THSD4: variants seen among roughly 807,000 people sequenced by gnomAD.
THSD4 encodes thrombospondin type 1 domain containing 4.
A neutral mutation model predicts 119.0 loss-of-function variants in THSD4; 69 were observed. The ratio of observed to expected loss-of-function variants is 0.58; its 90% confidence interval spans 0.48 to 0.71. THSD4 has a LOEUF of 0.71. THSD4 is among the 30% of genes least tolerant of loss of function. The probability of loss-of-function intolerance (pLI) is 0.00; values close to 1 mark genes in which losing one functional copy is unlikely to be tolerated. For synonymous variants in THSD4, 524 were observed against 540.4 expected (o/e 0.97, Z 0.42); for missense variants, 1,393 against 1,391.1 (o/e 1.00, Z -0.02).
chr15:71,217,966 T>C lies in THSD4; in HGVS notation c.464+2567T>C, dbSNP rs113313472. Among the ~76,000 whole-genome samples, 272 of 152,038 alleles carry C rather than the reference T, an allele frequency of 1.8e-3. 1 individual carries two copies. Among genetic ancestry groups the C allele is most frequent in the African/African-American group, 6.4e-3 (264 of 41,476 alleles). On this transcript the variant is annotated intron_variant, in intron 4 of 17. Coordinates refer to ENST00000261862, the MANE Select transcript of THSD4 (RefSeq NM_024817.3). ...CACGCCTAGCTAATTTTTGTATTTT[T>C]AGTGGAGATGAGGTTTCACCTTGTT...
intron 7 of THSD4, among the ~76,000 whole-genome samples, chr15:71,571,210 CTT>C (rs72237850): frequency 1.8e-4 from 27 of 148,124 alleles, no homozygotes; most frequent in Admixed American, 4.7e-4. Context: ...GAAGAACTCA[CTT>C]TTTTTTTTTT....
intron 6 of THSD4, among the ~76,000 whole-genome samples, chr15:71,403,380 C>T (rs1233121993): frequency 6.6e-6 from 1 of 152,158 alleles, no homozygotes; most frequent in Non-Finnish European, 1.5e-5. Context: ...TAAGGCATTA[C>T]TCAATTATTG....
At chr15:71,312,560 A>C (rs2045126348) in intron 6 of THSD4, among the ~76,000 whole-genome samples, 1 of 151,998 alleles carries the variant, frequency 6.6e-6, no homozygotes, top group African/African-American at 2.4e-5. Flanking sequence ...TGAGAAAATA[A>C]ATTTCTATTA....
At chr15:71,224,305 C>G (rs966967452) in intron 4 of THSD4, among the ~76,000 whole-genome samples, 2 of 152,144 alleles carry the variant, frequency 1.3e-5, no homozygotes, top group Non-Finnish European at 2.9e-5. Context: ...TTAAAGCAGT[C>G]CTAAGGGGAC....
chr15:71,314,570 G>A (rs1170614287), intron 6 of THSD4, among the ~76,000 whole-genome samples: 1 of 152,192 alleles, frequency 6.6e-6, no homozygotes, highest in Non-Finnish European at 1.5e-5. Flanking sequence ...GCCTCCCAAA[G>A]GGCTGGGATT....
chr15:71,097,565 C>G (rs1417708878), intron 1 of THSD4, among the ~76,000 whole-genome samples: 2 of 129,338 alleles, frequency 1.5e-5, no homozygotes, highest in Admixed American at 1.5e-4. Context: ...GACTCTGTCT[C>G]GAAAAAAAAA....
intron 1 of THSD4, among the ~76,000 whole-genome samples, chr15:71,124,367 T>G (rs555527871): frequency 1.3e-5 from 2 of 152,344 alleles, no homozygotes; most frequent in South Asian, 4.1e-4. Context: ...ATTCAATCAT[T>G]TGAAAATGTG....
At chr15:71,461,792 G>GTTT (rs61134274) in intron 7 of THSD4, among the ~76,000 whole-genome samples, 1 of 144,388 alleles carries the variant, frequency 6.9e-6, no homozygotes, top group Non-Finnish European at 1.5e-5. Context: ...GCACTGTCAG[G>GTTT]TTTTTTTTTT....
At chr15:71,326,096 G>A (rs529533089) in intron 6 of THSD4, among the ~76,000 whole-genome samples, 9 of 152,278 alleles carry the variant, frequency 5.9e-5, no homozygotes, top group South Asian at 2.1e-4. Context: ...AGTCAGTTGG[G>A]TATAGCACGA....
intron 7 of THSD4, among the ~76,000 whole-genome samples, chr15:71,506,260 C>T (rs1404622982): frequency 6.6e-6 from 1 of 151,948 alleles, no homozygotes; most frequent in Non-Finnish European, 1.5e-5. Flanking sequence ...GGTTTTTTTC[C>T]TTCTGTAATT....
At chr15:71,335,387 C>T (rs2045477599) in intron 6 of THSD4, among the ~76,000 whole-genome samples, 1 of 152,112 alleles carries the variant, frequency 6.6e-6, no homozygotes, top group Non-Finnish European at 1.5e-5. Context: ...CCAACCCCTC[C>T]CAACAAAAAT....
chr15:71,142,666 T>C (rs143633535), intron 2 of THSD4, among the ~76,000 whole-genome samples: 2 of 152,364 alleles, frequency 1.3e-5, no homozygotes, highest in African/African-American at 4.8e-5. Flanking sequence ...AAGAAAATCC[T>C]AACCCATTAC....
intron 17 of THSD4, among the ~76,000 whole-genome samples, chr15:71,775,556 A>C (rs1447808724): frequency 6.6e-6 from 1 of 151,814 alleles, no homozygotes; most frequent in Admixed American, 6.6e-5. Flanking sequence ...AAAAATACGA[A>C]AAAAATTAGC....
At chr15:71,410,019 C>G (rs1400340245) in intron 6 of THSD4, among the ~76,000 whole-genome samples, 2 of 151,566 alleles carry the variant, frequency 1.3e-5, no homozygotes, top group Non-Finnish European at 1.5e-5. Flanking sequence ...CTGAGATGTT[C>G]CTTGTAGCAG....
intron 7 of THSD4, among the ~76,000 whole-genome samples, chr15:71,526,066 AC>A (rs1410704255): frequency 1.3e-5 from 2 of 152,196 alleles, no homozygotes; most frequent in African/African-American, 2.4e-5. Context: ...GTTTTCACTG[AC>A]CCATCACTAT....
intron 7 of THSD4, among the ~76,000 whole-genome samples, chr15:71,469,425 A>G (rs1365765419): frequency 6.6e-6 from 1 of 152,154 alleles, no homozygotes; most frequent in African/African-American, 2.4e-5. Flanking sequence ...TCAGCAACCC[A>G]TGGAGAACAG....
intron 7 of THSD4, among the ~76,000 whole-genome samples, chr15:71,637,209 C>T (rs1231848514): frequency 6.6e-6 from 1 of 152,202 alleles, no homozygotes; most frequent in Non-Finnish European, 1.5e-5. Flanking sequence ...AACTATTTTT[C>T]ACCGTTGTTT....
chr15:71,552,772 G>T (rs1044217442), intron 7 of THSD4, among the ~76,000 whole-genome samples: 1 of 152,028 alleles, frequency 6.6e-6, no homozygotes, highest in Non-Finnish European at 1.5e-5. Context: ...TCAGCCTCCC[G>T]AGTAGCTGGG....
chr15:71,112,002 TC>T (rs1567128328), upstream of THSD4: 4 of 1,097,542 alleles, frequency 3.6e-6, no homozygotes, highest in Admixed American at 5.2e-5. Context: ...CCCATAAGTT[TC>T]CCCCCAAAGG....
Sources: gnomAD v4.1 joint callset for allele counts (sites outside exome capture counted in the v4.1 genomes callset) on GRCh38, gnomAD v4.1.1 for gene constraint, MANE v1.5 for transcripts, NCBI Gene and HGNC (gene_info 2026-07-23, HGNC 2026-07-21) for gene names.